Variants in APBA1 observed in about 807,000 individuals in gnomAD.
APBA1 encodes the protein amyloid beta precursor protein binding family A member 1, also known as amyloid-beta A4 precursor protein-binding family A member 1.
A neutral mutation model predicts 86.6 loss-of-function variants in APBA1; 55 were observed. The ratio of observed to expected loss-of-function variants is 0.64; its 90% CI spans 0.51 to 0.80. The LOEUF (loss-of-function observed/expected upper bound fraction) is 0.80. Among genes scored for constraint, APBA1 ranks in the 30% least tolerant of loss-of-function variants. The probability of loss-of-function intolerance (pLI) is 0.00; values close to 1 mark genes in which losing one functional copy is unlikely to be tolerated. For synonymous variants in APBA1, 511 were observed against 493.9 expected (o/e 1.03, Z -0.46); for missense variants, 1,090 against 1,183.0 (o/e 0.92, Z 1.15).
intron 1 of APBA1, among the ~76,000 whole-genome samples, chr9:69,632,449 G>A (rs1264268729): frequency 6.6e-6 from 1 of 152,096 alleles, no homozygotes; most frequent in East Asian, 1.9e-4. Flanking sequence ...CTGCTTCTGA[G>A]CTTCGAGACT....
intron 1 of APBA1, among the ~76,000 whole-genome samples, chr9:69,668,524 C>A (rs1286388160): frequency 6.6e-6 from 1 of 152,190 alleles, no homozygotes; most frequent in African/African-American, 2.4e-5. Flanking sequence ...TTTCCCATGT[C>A]ATTCCATCCA....
At chr9:69,487,399 T>C (rs1221819930) in intron 2 of APBA1, among the ~76,000 whole-genome samples, 7 of 152,132 alleles carry the variant, frequency 4.6e-5, no homozygotes, top group African/African-American at 1.7e-4. Context: ...CAGTGGTCAC[T>C]GTCTCAGTTG....
chr9:69,481,847 C>A (rs572996141), intron 2 of APBA1, among the ~76,000 whole-genome samples: 1 of 151,998 alleles, frequency 6.6e-6, no homozygotes, highest in South Asian at 2.1e-4. Flanking sequence ...CTTTGACAAA[C>A]CTGAGAAAAG....
chr9:69,458,873 C>A (rs915765464), intron 5 of APBA1, among the ~76,000 whole-genome samples: 1 of 150,690 alleles, frequency 6.6e-6, no homozygotes, highest in East Asian at 1.9e-4. Flanking sequence ...ATGGCATGAT[C>A]TTGGCTCACC....
intron 2 of APBA1, among the ~76,000 whole-genome samples, chr9:69,511,892 G>A (rs1265236546): frequency 1.1e-4 from 17 of 148,318 alleles, no homozygotes; most frequent in Non-Finnish European, 2.5e-4. Context: ...ATGGACACAG[G>A]AAGGGGAATA....
chr9:69,633,114 CTTTTATTTTA>C (rs150543042), intron 1 of APBA1, among the ~76,000 whole-genome samples: 19,352 of 146,920 alleles, frequency 0.13, 1,356 homozygotes, highest in South Asian at 0.26. Flanking sequence ...GTAACTGTGT[CTTTTATTTTA>C]TTTTATTTTA....
chr9:69,636,854 AGGGAGGGAGG>A, intron 1 of APBA1, among the ~76,000 whole-genome samples: 3 of 82,548 alleles, frequency 3.6e-5, no homozygotes, highest in African/African-American at 4.8e-5. Context: ...GGAGGGAGGG[AGGGAGGGAGG>A]GAGAGAGAAA....
chr9:69,484,169 A>G (rs1010938035), intron 2 of APBA1, among the ~76,000 whole-genome samples: 1 of 152,154 alleles, frequency 6.6e-6, no homozygotes, highest in Non-Finnish European at 1.5e-5. Context: ...AATCCTCCAG[A>G]GAGTCTCACA....
intron 2 of APBA1, among the ~76,000 whole-genome samples, chr9:69,484,067 G>T (rs1835568460): frequency 6.6e-6 from 1 of 152,026 alleles, no homozygotes; most frequent in Non-Finnish European, 1.5e-5. Flanking sequence ...CTGTCACAAA[G>T]ATTTTAAGGG....
At chr9:69,581,194 G>C (rs1331681830) in intron 1 of APBA1, among the ~76,000 whole-genome samples, 1 of 152,140 alleles carries the variant, frequency 6.6e-6, no homozygotes, top group Non-Finnish European at 1.5e-5. Context: ...GTCAAAGCAA[G>C]GGTGTCAAAA....
Position 69,428,575 on chromosome 9 carries a change from C to G in APBA1, c.*2752G>C, listed in dbSNP as rs1200350206. On this transcript the variant is annotated 3_prime_UTR_variant, in exon 13 of 13. Transcript: ENST00000265381. ...CCCTGGTGGAGCAGCCACAGCAGCT[C>G]TGTGCCCTCACAGCGTTTGGGAAGG... The G allele has an allele frequency of 1.3e-5, 2 of 152,266 alleles. No individual in the cohort carries two copies. Among genetic ancestry groups the G allele is most frequent in the East Asian group, 3.9e-4 (2 of 5,194 alleles). 9.4% of individuals were successfully genotyped at this position (152,266 alleles called of 1,614,324 possible). A position where few individuals can be genotyped will look rare whatever the true frequency, so the allele number is the denominator to read the frequency against.
At chr9:69,489,868 C>T (rs1324240761) in intron 2 of APBA1, among the ~76,000 whole-genome samples, 2 of 152,132 alleles carry the variant, frequency 1.3e-5, no homozygotes, top group African/African-American at 4.8e-5. Flanking sequence ...CACTTTTACA[C>T]TGTTGGTGGG....
At chr9:69,530,343 C>A (rs867484559) in intron 1 of APBA1, among the ~76,000 whole-genome samples, 1 of 146,524 alleles carries the variant, frequency 6.8e-6, no homozygotes, top group South Asian at 2.1e-4. Flanking sequence ...CACACACACA[C>A]ACACACACAC....
chr9:69,431,438 G>A, intron 12 of APBA1, 40 bp from the exon 13 acceptor site: 1 of 1,584,464 alleles, frequency 6.3e-7, no homozygotes, highest in Non-Finnish European at 8.6e-7. Flanking sequence ...GGCTGAGGCT[G>A]GGGGCTGGCT....
chr9:69,539,987 G>T (rs1836577365), intron 1 of APBA1, among the ~76,000 whole-genome samples: 1 of 152,140 alleles, frequency 6.6e-6, no homozygotes, highest in South Asian at 2.1e-4. Context: ...AGGCATGGTG[G>T]TGTGTGCCTG....
chr9:69,483,460 A>G (rs1263402480), intron 2 of APBA1, among the ~76,000 whole-genome samples: 2 of 152,076 alleles, frequency 1.3e-5, no homozygotes, highest in Admixed American at 1.3e-4. Context: ...GCACACAGCA[A>G]TGGTGCTGGT....
chr9:69,658,236 C>CT (rs1345145077), intron 1 of APBA1, among the ~76,000 whole-genome samples: 2 of 17,608 alleles, frequency 1.1e-4, no homozygotes, highest in Non-Finnish European at 3.0e-4. Context: ...TTCTTTCTTT[C>CT]TTTCTTTCTT....
intron 10 of APBA1, among the ~76,000 whole-genome samples, chr9:69,442,300 G>A (rs976925544): frequency 1.3e-5 from 2 of 152,188 alleles, no homozygotes; most frequent in African/African-American, 4.8e-5. Flanking sequence ...CCACACTGTT[G>A]TAGCTGCAGG....
intron 10 of APBA1, among the ~76,000 whole-genome samples, chr9:69,441,581 A>C (rs1834825643): frequency 6.6e-6 from 1 of 152,220 alleles, no homozygotes; most frequent in African/African-American, 2.4e-5. Context: ...AACTCACAGC[A>C]ACTGGCCTGA....
Sources: allele counts gnomAD v4.1 joint callset (sites outside exome capture counted in the v4.1 genomes callset), GRCh38; gene constraint gnomAD v4.1.1; transcripts MANE v1.5; gene names NCBI Gene and HGNC (gene_info 2026-07-23, HGNC 2026-07-21).